Variants in PIGN observed in about 807,000 individuals in gnomAD.
PIGN encodes the protein phosphatidylinositol glycan anchor biosynthesis class N.
In PIGN, 117 loss-of-function variants were observed where a neutral mutation model predicts 125.4. The ratio of observed to expected loss-of-function variants is 0.93; its 90% confidence interval spans 0.80 to 1.09. The LOEUF (loss-of-function observed/expected upper bound fraction) is 1.09. Among genes scored for constraint, PIGN ranks in the 50% least tolerant of loss-of-function variants. The pLI, the probability that PIGN is intolerant of heterozygous loss-of-function variation, is 0.00. For synonymous variants in PIGN, 392 were observed against 377.8 expected (o/e 1.04, Z -0.44); for missense variants, 1,075 against 1,094.9 (o/e 0.98, Z 0.26).
intron 4 of PIGN, among the ~76,000 whole-genome samples, chr18:62,159,711 T>C (rs753242734): frequency 2.7e-4 from 41 of 152,236 alleles, no homozygotes; most frequent in Non-Finnish European, 5.3e-4. Context: ...TCCATTCTTC[T>C]AGCTGTCAAC....
At chr18:62,083,009 A>G (rs1202776018) in intron 27 of PIGN, among the ~76,000 whole-genome samples, 1 of 152,130 alleles carries the variant, frequency 6.6e-6, no homozygotes, top group Non-Finnish European at 1.5e-5. Flanking sequence ...AAAGCCTATT[A>G]CAAATTTTGT....
chr18:62,156,453 C>A (rs2036737212), intron 6 of PIGN, among the ~76,000 whole-genome samples: 1 of 152,116 alleles, frequency 6.6e-6, no homozygotes, highest in South Asian at 2.1e-4. Context: ...ACCTCAGCCA[C>A]CTGAGTAGTT....
At chr18:62,165,698 TA>T (rs1274832493) in intron 1 of PIGN, among the ~76,000 whole-genome samples, 1 of 152,032 alleles carries the variant, frequency 6.6e-6, no homozygotes, top group Non-Finnish European at 1.5e-5. Context: ...GCCAGTGAAG[TA>T]GAAGGAAAAC....
intron 4 of PIGN, 154 bp from the exon 5 acceptor site, chr18:62,157,962 G>A: frequency 1.6e-6 from 1 of 638,206 alleles, no homozygotes; most frequent in South Asian, 2.2e-5. Context: ...TTCCAGGTGA[G>A]CCCATTCCTA....
At chr18:62,101,330 G>T in intron 21 of PIGN, 147 bp from the exon 22 acceptor site, 1 of 589,472 alleles carries the variant, frequency 1.7e-6, no homozygotes, top group Non-Finnish European at 3.0e-6. Flanking sequence ...GGACAGTACA[G>T]GAACTGATGC....
At chr18:62,149,629 C>T (rs1331088785) in intron 7 of PIGN, among the ~76,000 whole-genome samples, 5 of 152,230 alleles carry the variant, frequency 3.3e-5, no homozygotes, top group African/African-American at 1.2e-4. Flanking sequence ...GGATCTAAGG[C>T]TTTTTGAAAT....
At chr18:62,131,783 AC>A (rs1483355313) in intron 14 of PIGN, among the ~76,000 whole-genome samples, 8 of 152,144 alleles carry the variant, frequency 5.3e-5, no homozygotes, top group Non-Finnish European at 1.0e-4. Context: ...CTATTTCATT[AC>A]CCTAGGAATT....
intron 23 of PIGN, among the ~76,000 whole-genome samples, chr18:62,019,611 C>T (rs547049449): frequency 6.6e-6 from 1 of 152,342 alleles, no homozygotes; most frequent in East Asian, 1.9e-4. Context: ...GTGGACACTT[C>T]AGGAGACCAG....
intron 27 of PIGN, among the ~76,000 whole-genome samples, chr18:62,083,921 G>C (rs975326594): frequency 1.3e-5 from 2 of 152,054 alleles, no homozygotes; most frequent in Non-Finnish European, 2.9e-5. Context: ...GCAAGAATCA[G>C]TTTACTTTAT....
chr18:62,078,581 C>T (rs551734607), intron 28 of PIGN, among the ~76,000 whole-genome samples: 7 of 152,246 alleles, frequency 4.6e-5, no homozygotes, highest in South Asian at 2.1e-4. Context: ...TGCTCAAATG[C>T]GAAGGCATAA....
chr18:62,153,650 T>C (rs1488957457), intron 7 of PIGN: 2 of 152,118 alleles, frequency 1.3e-5, no homozygotes, highest in Non-Finnish European at 2.9e-5. Context: ...TTGACAAAAG[T>C]ATATATTAAA....
chr18:62,179,677 T>G (rs2037649094), intron 1 of PIGN, among the ~76,000 whole-genome samples: 1 of 152,052 alleles, frequency 6.6e-6, no homozygotes, highest in Non-Finnish European at 1.5e-5. Context: ...ACCCCGGAGA[T>G]CGAGGCTGCC....
intron 30 of PIGN, among the ~76,000 whole-genome samples, chr18:62,071,368 A>G (rs2032834869): frequency 6.6e-6 from 1 of 152,162 alleles, no homozygotes; most frequent in South Asian, 2.1e-4. Context: ...CTTAACATCT[A>G]TCATCCTCCC....
chr18:62,110,942 C>A (rs1408429041), intron 16 of PIGN, among the ~76,000 whole-genome samples: 3 of 149,776 alleles, frequency 2.0e-5, no homozygotes, highest in Admixed American at 6.7e-5. Context: ...ACGTACCAAA[C>A]TCCTCACTAA....
intron 23 of PIGN, among the ~76,000 whole-genome samples, chr18:62,029,419 T>A (rs1225629118): frequency 6.6e-6 from 1 of 152,140 alleles, no homozygotes; most frequent in Non-Finnish European, 1.5e-5. Flanking sequence ...TCACAAGGGC[T>A]CAGGTAGGTA....
chr18:62,125,153 TACATGTTTGTAC>T (rs1568203065), intron 14 of PIGN, among the ~76,000 whole-genome samples: 3 of 113,618 alleles, frequency 2.6e-5, no homozygotes, highest in Non-Finnish European at 6.8e-5. Flanking sequence ...TATGTGTATA[TACATGTTTGTAC>T]ATATGTGTAT....
chr18:62,144,834 T>C (rs1240987633), intron 10 of PIGN, among the ~76,000 whole-genome samples: 2 of 152,174 alleles, frequency 1.3e-5, no homozygotes, highest in African/African-American at 4.8e-5. Flanking sequence ...TCAGGCATGG[T>C]ACACACCTGT....
At chr18:62,088,730 T>C (rs1314997564) in intron 25 of PIGN, 26 bp downstream of exon 25, 4 of 1,384,252 alleles carry the variant, frequency 2.9e-6, no homozygotes, top group Non-Finnish European at 4.0e-6. Context: ...TGCAGCTCTT[T>C]AAACCAAAGT....
At chr18:62,037,031 T>C (rs755465416), downstream of PIGN, among the ~76,000 whole-genome samples, 1 of 152,236 alleles carries the variant, frequency 6.6e-6, no homozygotes, top group Admixed American at 6.5e-5. Flanking sequence ...TTGAATTATC[T>C]GCTGATTAAT....
Sources: allele counts gnomAD v4.1 joint callset (sites outside exome capture counted in the v4.1 genomes callset), GRCh38; gene constraint gnomAD v4.1.1; transcripts MANE v1.5; gene names NCBI Gene and HGNC (gene_info 2026-07-23, HGNC 2026-07-21).